The following DLG5 variants were observed in gnomAD, a reference collection of about 807,000 sequenced individuals.
The protein encoded by DLG5 is disks large homolog 5.
DLG5 carries 48 observed loss-of-function variants against 189.8 expected under a neutral mutation model. That is an observed-to-expected ratio of 0.25 (90% CI 0.20 to 0.32). The LOEUF (loss-of-function observed/expected upper bound fraction) is 0.32, where lower values mean the gene tolerates loss of function less well. Among genes scored for constraint, DLG5 ranks in the 10% least tolerant of loss-of-function variants. The pLI is 1.00. For synonymous variants in DLG5, 1,016 were observed against 1,054.1 expected (o/e 0.96, Z 0.70); for missense variants, 2,160 against 2,544.7 (o/e 0.85, Z 3.25).
At chr10:77,927,157 G>GGGGAGGAGGGGAC (rs1363068300), upstream of DLG5, 1 of 155,094 alleles carries the variant, frequency 6.4e-6, no homozygotes, top group African/African-American at 2.4e-5. Context: ...GGCGGCAGCA[G>GGGGAGGAGGGGAC]GGGAGGAGGG....
At chr10:77,830,426 T>C (rs958514806) in intron 10 of DLG5, 82 bp from the exon 11 acceptor site, 2 of 1,580,492 alleles carry the variant, frequency 1.3e-6, no homozygotes, top group Admixed American at 3.4e-5. Context: ...AGCTGCCCAC[T>C]CCAATGTGGG....
intron 7 of DLG5, among the ~76,000 whole-genome samples, chr10:77,839,648 T>C (rs1042245251): frequency 4.7e-4 from 72 of 152,244 alleles, no homozygotes; most frequent in African/African-American, 1.7e-3. Context: ...CATCATTTTG[T>C]TTTCCTTATT....
At chr10:77,817,547 A>G (rs1248637) in intron 18 of DLG5, among the ~76,000 whole-genome samples, 37,550 of 152,138 alleles carry the variant, frequency 0.25, 5,308 homozygotes, top group Admixed American at 0.38. Context: ...CACCTGAATG[A>G]CCATAAGGCC....
At chr10:77,872,482 C>A (rs1019159828) in intron 1 of DLG5, among the ~76,000 whole-genome samples, 1 of 152,172 alleles carries the variant, frequency 6.6e-6, no homozygotes, top group African/African-American at 2.4e-5. Flanking sequence ...GGGCATCACT[C>A]CCACCCCCAA....
chr10:77,858,438 C>T (rs1052228918), intron 2 of DLG5, among the ~76,000 whole-genome samples: 1 of 152,194 alleles, frequency 6.6e-6, no homozygotes, highest in Non-Finnish European at 1.5e-5. Context: ...AGTTTGAGAC[C>T]AGCCTGGGCA....
chr10:77,931,906 G>T, the DLG5 span, among the ~76,000 whole-genome samples: 3 of 152,154 alleles, frequency 2.0e-5, no homozygotes. Flanking sequence ...TCACCCTTTG[G>T]TAGGGTTATT....
intron 25 of DLG5, among the ~76,000 whole-genome samples, chr10:77,807,504 A>G (rs941675532): frequency 1.3e-5 from 2 of 152,186 alleles, no homozygotes; most frequent in Admixed American, 1.3e-4. Flanking sequence ...CTTGGGGGAC[A>G]CCAGAAAAAG....
chr10:77,926,982 C>T (rs1846721453), upstream of DLG5: 3 of 374,664 alleles, frequency 8.0e-6, no homozygotes, highest in South Asian at 3.6e-5. This position sits in a 1 kb window ranked among gnomAD's most constrained non-coding sequence, Gnocchi z 5.2. Context: ...CCGTGTTTCC[C>T]AGGCTCCCGA....
At chr10:77,927,401 G>A (rs1212794169), upstream of DLG5, 1 of 152,222 alleles carries the variant, frequency 6.6e-6, no homozygotes, top group African/African-American at 2.4e-5. Context: ...GGTGGGGAGG[G>A]TTTCCCCTAA....
chr10:77,872,564 C>A (rs1239074022), intron 1 of DLG5, among the ~76,000 whole-genome samples: 1 of 152,048 alleles, frequency 6.6e-6, no homozygotes, highest in Non-Finnish European at 1.5e-5. Context: ...CCAGTTTTTA[C>A]AATGTTCCCA....
chr10:77,843,672 T>A lies in DLG5; in HGVS notation c.899A>T (p.Asn300Ile), dbSNP rs201511079. Reference sequence around the variant, plus strand: ...GTCCATGGCCGTGTCATACAGTTTGTTGAGAATCTCGGATGACCCGTTGTG... The same window carrying A: ...GTCCATGGCCGTGTCATACAGTTTGATGAGAATCTCGGATGACCCGTTGTG... ...LKHNGSSEIL[N>I]KLYDTAMDKL... The change falls in exon 6 of 32, where the codon AAC (asparagine) becomes ATC (isoleucine). Residue 300 changes from asparagine (N) to isoleucine (I), a missense_variant. Asn to Ile is a moderately radical substitution (Grantham distance 149). This residue lies in a region of DLG5 where 664 missense variants were observed against 838.5 expected (regional missense o/e 0.79). Transcript: ENST00000372391. 1 of 1,614,078 alleles carries A rather than the reference T, an allele frequency of 6.2e-7. No individual in the cohort carries two copies. Among genetic ancestry groups the A allele is most frequent in the Admixed American group, 1.7e-5 (1 of 59,994 alleles).
chr10:77,814,608 T>C (rs999471689), intron 20 of DLG5, among the ~76,000 whole-genome samples: 1 of 151,568 alleles, frequency 6.6e-6, no homozygotes, highest in African/African-American at 2.4e-5. Flanking sequence ...AGAGTCTCGC[T>C]CTGTCACCCA....
Position 77,926,154 on chromosome 10 carries a change from G to C in DLG5, c.304+63C>G. 1 of 1,295,918 alleles carries C rather than the reference G, an allele frequency of 7.7e-7. No homozygotes were observed. The highest frequency in any genetic ancestry group is 9.9e-7 in the Non-Finnish European group (1 of 1,013,540). The allele number at this position is 1,295,918 out of a possible 1,614,324, so 80.3% of individuals were successfully genotyped here. ...CGGCGGCCCCGGCGAGGTACCCTCG[G>C]CCAGCAGGAGGGAGAAGCGGAGGGC... On this transcript the variant is annotated intron_variant, in intron 1 of 31. Transcript: ENST00000372391. The surrounding 1 kb of genome is among the most constrained non-coding windows in gnomAD (Gnocchi z 5.2).
At chr10:77,825,374 C>CACACACACACACACACACACA (rs1554816035) in intron 13 of DLG5, among the ~76,000 whole-genome samples, 1 of 130,816 alleles carries the variant, frequency 7.6e-6, no homozygotes, top group Non-Finnish European at 1.6e-5. Context: ...CCACACACAA[C>CACACACACACACACACACACA]CACACACACA....
chr10:77,890,850 G>A (rs764717435), intron 1 of DLG5, among the ~76,000 whole-genome samples: 10 of 152,040 alleles, frequency 6.6e-5, no homozygotes, highest in East Asian at 1.9e-4. Context: ...CTCTCCAGCC[G>A]CAGAATAAAA....
chr10:77,829,225 G>A, intron 12 of DLG5, 130 bp downstream of exon 12: 1 of 1,311,616 alleles, frequency 7.6e-7, no homozygotes, highest in East Asian at 2.3e-5. Context: ...AAAAGCACAT[G>A]GGCTACATTT....
At chr10:77,855,443 T>C (rs918753332) in intron 3 of DLG5, among the ~76,000 whole-genome samples, 3 of 152,254 alleles carry the variant, frequency 2.0e-5, no homozygotes, top group African/African-American at 7.2e-5. Flanking sequence ...AGCAAACTTT[T>C]TTTGCAAAAG....
At chr10:77,824,915 C>T (rs570469434) in intron 13 of DLG5, among the ~76,000 whole-genome samples, 6 of 152,302 alleles carry the variant, frequency 3.9e-5, no homozygotes, top group South Asian at 2.1e-4. Context: ...GAAAGTACCA[C>T]GCGAAGTGGG....
intron 26 of DLG5, 82 bp downstream of exon 26, chr10:77,806,675 GC>G: frequency 6.7e-7 from 1 of 1,491,994 alleles, no homozygotes; most frequent in Non-Finnish European, 9.2e-7. Context: ...CCTGGCCCCA[GC>G]CCCCTCCCAT....
Sources: gnomAD v4.1 joint callset for allele counts (sites outside exome capture counted in the v4.1 genomes callset) on GRCh38, gnomAD v4.1.1 for gene constraint, gnomAD v4.1.1 regional missense constraint, Gnocchi (gnomAD v3.1) non-coding constraint, MANE v1.5 for transcripts, NCBI Gene and HGNC (gene_info 2026-07-23, HGNC 2026-07-21) for gene names.